CYP20A1: variants seen among roughly 807,000 people sequenced by gnomAD.
The protein encoded by CYP20A1 is cytochrome P450 family 20 subfamily A member 1.
CYP20A1 carries 61 observed loss-of-function variants against 61.4 expected under a neutral mutation model. The ratio of observed to expected loss-of-function variants is 0.99; its 90% CI spans 0.81 to 1.23. CYP20A1 has a LOEUF of 1.23. CYP20A1 is among the 50% of genes most tolerant of loss of function. The pLI, the probability that CYP20A1 is intolerant of heterozygous loss-of-function variation, is 0.00. For synonymous variants in CYP20A1, 193 were observed against 188.2 expected (o/e 1.03, Z -0.21); for missense variants, 530 against 542.4 (o/e 0.98, Z 0.23).
At chr2:203,263,824 C>A (rs1213783524) in intron 4 of CYP20A1, among the ~76,000 whole-genome samples, 1 of 151,974 alleles carries the variant, frequency 6.6e-6, no homozygotes, top group East Asian at 1.9e-4. Flanking sequence ...GCTCTGTGTC[C>A]CTGCATATGG....
At chr2:203,275,573 G>A (rs1054468148) in intron 6 of CYP20A1, among the ~76,000 whole-genome samples, 1 of 151,960 alleles carries the variant, frequency 6.6e-6, no homozygotes, top group African/African-American at 2.4e-5. Context: ...CCAAGTAGCT[G>A]GGATTACAGA....
intron 5 of CYP20A1, among the ~76,000 whole-genome samples, chr2:203,272,374 T>G (rs2067636456): frequency 6.6e-6 from 1 of 151,860 alleles, no homozygotes; most frequent in African/African-American, 2.4e-5. Flanking sequence ...GAAACCCGTC[T>G]CTACAAAAAA....
rs756956391 is a variant in CYP20A1 at position 203,289,813 on chromosome 2, T to C, written c.1020T>C (p.Thr340=). 1.0e-5 allele frequency: 16 copies of C among 1,602,024 alleles called. No individual in the cohort carries two copies. Among genetic ancestry groups the C allele is most frequent in the African/African-American group, 1.3e-5 (1 of 74,570 alleles). Residue 340 remains threonine, a synonymous_variant, in exon 10 of 13, where the codon ACT becomes ACC. Transcript: ENST00000356079. The part of the protein sequence containing the change: ...LCETVRTAKL[T]PVSAQLQDIE... ...AAACTGTTCGAACTGCCAAACTGACTCCAGTTTCTGCCCAGCTTCAAGATA... is the reference window on the plus strand; with the variant it reads ...AAACTGTTCGAACTGCCAAACTGACCCCAGTTTCTGCCCAGCTTCAAGATA...
At chr2:203,279,710 TA>T (rs1286310956) in intron 7 of CYP20A1, among the ~76,000 whole-genome samples, 2 of 152,112 alleles carry the variant, frequency 1.3e-5, no homozygotes, top group African/African-American at 4.8e-5. Context: ...GCCAGAAAAA[TA>T]GGACCGAGTT....
At position 203,239,134 on chromosome 2, in the gene CYP20A1, G is replaced by C; in HGVS notation, c.72G>C (p.Pro24=). The part of the protein sequence containing the change: ...ALVGAVLYLY[P]ASRQAAGIPG... Reference sequence around the variant, plus strand: ...TGGGAGCCGTGCTCTACCTCTATCCGGTGAGCGCCGTCTTGGCTCTCTGGG... The same window carrying C: ...TGGGAGCCGTGCTCTACCTCTATCCCGTGAGCGCCGTCTTGGCTCTCTGGG... Residue 24 remains proline (P), a splice_region_variant and synonymous_variant, in exon 1 of 13, where the codon CCG becomes CCC. Transcript: ENST00000356079. 1 of 1,612,772 alleles carries C rather than the reference G, an allele frequency of 6.2e-7. No homozygotes were observed. The highest frequency in any genetic ancestry group is 8.5e-7 in the Non-Finnish European group (1 of 1,179,528).
At chr2:203,243,527 G>A (rs1411680384) in intron 1 of CYP20A1, among the ~76,000 whole-genome samples, 1 of 151,862 alleles carries the variant, frequency 6.6e-6, no homozygotes, top group Non-Finnish European at 1.5e-5. Context: ...TGGCATTACA[G>A]CACCCACTAC....
chr2:203,288,064 T>C (rs55634492), intron 9 of CYP20A1, among the ~76,000 whole-genome samples: 5,679 of 75,270 alleles, frequency 0.075, 228 homozygotes, highest in East Asian at 0.16. Flanking sequence ...TCTCTCTCTT[T>C]TTTTTTTTTT....
intron 11 of CYP20A1, among the ~76,000 whole-genome samples, chr2:203,293,162 A>AAGAC (rs2068613643): frequency 6.6e-6 from 1 of 151,712 alleles, no homozygotes; most frequent in African/African-American, 2.4e-5. Context: ...CAACAAGAGC[A>AAGAC]AGACACAAGA....
chr2:203,294,929 G>A (rs1034482926), intron 11 of CYP20A1, among the ~76,000 whole-genome samples: 7 of 129,122 alleles, frequency 5.4e-5, no homozygotes, highest in African/African-American at 2.1e-4. Context: ...ACTGTGCCCA[G>A]CCTTTAAAAA....
chr2:203,293,372 C>G (rs527806533), intron 11 of CYP20A1, among the ~76,000 whole-genome samples: 4 of 150,982 alleles, frequency 2.6e-5, no homozygotes, highest in Non-Finnish European at 5.9e-5. Flanking sequence ...CCCGCCACCA[C>G]GCCCAGCTAA....
At chr2:203,285,481 A>G in intron 8 of CYP20A1, 131 bp from the exon 9 acceptor site, 2 of 982,094 alleles carry the variant, frequency 2.0e-6, no homozygotes, top group Non-Finnish European at 2.8e-6. Context: ...TAGCACTTAT[A>G]TATCTTCTAT....
Position 203,305,286 on chromosome 2 carries a change from C to T in CYP20A1, c.*8378C>T, listed in dbSNP as rs1251084446. ...TGCAATCTCAGCTCACTGCAACCTC[C>T]CCCTCTCAGGTTCAAGTAATTCTCC... On this transcript the variant is annotated 3_prime_UTR_variant, in exon 13 of 13. Transcript: ENST00000356079. 6.6e-6 allele frequency among the ~76,000 whole-genome samples: 1 copy of T among 150,894 alleles called. No homozygotes were observed. Among genetic ancestry groups the T allele is most frequent in the African/African-American group, 2.4e-5 (1 of 40,976 alleles).
chr2:203,244,415 G>T (rs938958392), intron 1 of CYP20A1, among the ~76,000 whole-genome samples: 2 of 151,908 alleles, frequency 1.3e-5, no homozygotes, highest in African/African-American at 4.8e-5. Flanking sequence ...TGTCAGGCTG[G>T]TCTTGAACTC....
chr2:203,262,597 AAC>A (rs139860948), intron 4 of CYP20A1, among the ~76,000 whole-genome samples: 12,734 of 152,098 alleles, frequency 0.084, 711 homozygotes, highest in Non-Finnish European at 0.12. Flanking sequence ...ATCGTTAATA[AAC>A]AGTGCTTTCC....
At position 203,301,256 on chromosome 2, in the gene CYP20A1, T is replaced by A. The variant is rs2152119173; in HGVS notation, c.*4348T>A. ...TTCTTTTTCTTTTCTTTCTTTCTTT[T>A]CTTTTCTTTTTTTTTTTTGAGGCAC... On this transcript the variant is annotated 3_prime_UTR_variant, in exon 13 of 13. Transcript: ENST00000356079. 6.6e-6 allele frequency among the ~76,000 whole-genome samples: 1 copy of A among 150,908 alleles called. No homozygotes were observed. Among genetic ancestry groups the A allele is most frequent in the South Asian group, 2.1e-4 (1 of 4,802 alleles).
At chr2:203,275,766 T>C (rs907296668) in intron 6 of CYP20A1, among the ~76,000 whole-genome samples, 1 of 152,196 alleles carries the variant, frequency 6.6e-6, no homozygotes, top group Admixed American at 6.5e-5. Flanking sequence ...ATCACTAATG[T>C]GTATTATATT....
chr2:203,280,214 G>T, intron 8 of CYP20A1, 101 bp downstream of exon 8: 2 of 880,770 alleles, frequency 2.3e-6, no homozygotes, highest in East Asian at 2.9e-5. Flanking sequence ...GGCTGAGGTG[G>T]GAGATTGCTT....
chr2:203,266,741 G>T, intron 5 of CYP20A1, 60 bp downstream of exon 5: 1 of 1,425,184 alleles, frequency 7.0e-7, no homozygotes, highest in Non-Finnish European at 9.9e-7. Flanking sequence ...GCTCACACCT[G>T]TAATCCCAGC....
intron 4 of CYP20A1, among the ~76,000 whole-genome samples, chr2:203,258,061 CCAGCT>C (rs1214459887): frequency 1.2e-5 from 1 of 85,002 alleles, no homozygotes; most frequent in African/African-American, 3.0e-5. Context: ...GCCACCCTGC[CCAGCT>C]AATTTTTGTA....
Sources: gnomAD v4.1 joint callset for allele counts (sites outside exome capture counted in the v4.1 genomes callset) on GRCh38, gnomAD v4.1.1 for gene constraint, MANE v1.5 for transcripts, NCBI Gene and HGNC (gene_info 2026-07-23, HGNC 2026-07-21) for gene names.